The following UPF2 variants were observed in gnomAD, a reference collection of about 807,000 sequenced individuals.
The protein encoded by UPF2 is UPF2 regulator of nonsense mediated mRNA decay.
UPF2 carries 17 observed loss-of-function variants against 141.4 expected under a neutral mutation model. The observed-to-expected ratio is 0.12, with a 90% CI of 0.08 to 0.18. UPF2 has a LOEUF of 0.18. Among genes scored for constraint, UPF2 ranks in the 10% least tolerant of loss-of-function variants. The pLI, the probability that UPF2 is intolerant of heterozygous loss-of-function variation, is 1.00. For missense variants in UPF2, 1,152 were observed against 1,515.9 expected (o/e 0.76, Z 3.99); for synonymous variants, 540 against 498.0 (o/e 1.08, Z -1.12).
chr10:11,959,272 G>T lies in UPF2; in HGVS notation c.2269C>A (p.Pro757Thr). The T allele has an allele frequency of 1.9e-6, 3 of 1,613,062 alleles. No individual in the cohort carries two copies. The highest frequency in any genetic ancestry group is 2.5e-6 in the Non-Finnish European group (3 of 1,179,738). Residue 757 changes from proline (P) to threonine (T), a missense_variant, in exon 12 of 22, where the codon CCA (proline) becomes ACA (threonine). This residue lies in a region of UPF2 where 739 missense variants were observed against 1,032.2 expected (regional missense o/e 0.72). Coordinates refer to ENST00000357604, the MANE Select transcript of UPF2 (RefSeq NM_015542.4). The surrounding 1 kb of genome is among the most constrained non-coding windows in gnomAD (Gnocchi z 5.9). ...TTCACGGTTTTTTCAGCTGGAGGTG[G>T]GTTGCAGTAGTAATATGCATTCTCT... The part of the protein sequence containing the change: ...MVENAYYYCN[P>T]PPAEKTVKKK...
chr10:11,999,847 A>C (rs1264817135), intron 7 of UPF2, 59 bp downstream of exon 7: 1 of 1,344,364 alleles, frequency 7.4e-7, no homozygotes, highest in Non-Finnish European at 1.1e-6. Context: ...GACATTCCTT[A>C]TCAGAGGACT....
intron 11 of UPF2, 75 bp downstream of exon 11, chr10:11,963,934 G>T: frequency 9.8e-7 from 1 of 1,020,274 alleles, no homozygotes; most frequent in Non-Finnish European, 1.5e-6. Flanking sequence ...AACCAGCACT[G>T]GTCAATATTT....
intron 8 of UPF2, among the ~76,000 whole-genome samples, chr10:11,994,670 A>C (rs187274204): frequency 6.6e-6 from 1 of 152,330 alleles, no homozygotes; most frequent in East Asian, 1.9e-4. Context: ...GGAGATGCAC[A>C]AAATGAAAAG....
intron 1 of UPF2, among the ~76,000 whole-genome samples, chr10:12,038,419 C>CACACAA (rs1554787077): frequency 7.4e-6 from 1 of 134,552 alleles, no homozygotes; most frequent in African/African-American, 2.9e-5. Context: ...CACACACACA[C>CACACAA]AAATTACCTT....
At position 11,956,531 on chromosome 10, in the gene UPF2, A is replaced by C. The variant is rs1420507294; in HGVS notation, c.2371-8T>G. 2.0e-5 allele frequency: 32 copies of C among 1,612,110 alleles called. No individual in the cohort carries two copies. The highest frequency in any genetic ancestry group is 2.6e-5 in the Non-Finnish European group (31 of 1,179,668). On this transcript the variant is annotated splice_region_variant and splice_polypyrimidine_tract_variant and intron_variant, in intron 12 of 21. Coordinates refer to ENST00000357604, the MANE Select transcript of UPF2 (RefSeq NM_015542.4). This position sits in a 1 kb window ranked among gnomAD's most constrained non-coding sequence, Gnocchi z 4.2. The stretch of plus-strand genomic sequence containing the variant: ...TCGCATCTGTCTCAAAACCTAAAAA[A>C]AGAGAATTTTGTTCAAATTATTAAG...
Position 12,028,979 on chromosome 10 carries a change from T to G in UPF2, c.911A>C (p.His304Pro), listed in dbSNP as rs1834468419. 1 of 1,614,106 alleles carries G rather than the reference T, an allele frequency of 6.2e-7. No homozygotes were observed. Residue 304 changes from histidine (H) to proline (P), a missense_variant, in exon 3 of 22, where the codon CAT becomes CCT. His to Pro is a moderately conservative substitution (Grantham distance 77). Around this residue, in one of 4 missense-constraint regions of UPF2, gnomAD observed 739 missense variants for 1,032.2 expected, o/e 0.72. Transcript: ENST00000357604. ...IINADRESHT[H>P]VSVVISFCRH... Reference sequence around the variant, plus strand: ...ACAGAAACTAATCACTACAGAGACATGAGTGTGGGACTCCCGATCAGCATT... The same window carrying G: ...ACAGAAACTAATCACTACAGAGACAGGAGTGTGGGACTCCCGATCAGCATT...
At chr10:12,026,505 G>A in intron 3 of UPF2, 1 of 362,442 alleles carries the variant, frequency 2.8e-6, no homozygotes, top group South Asian at 2.2e-5. Flanking sequence ...ATACTGTCAT[G>A]GGAATAAAAG....
rs1052564937 is a variant in UPF2 at position 12,014,893 on chromosome 10, A to C, written c.1146-709T>G. Among the ~76,000 whole-genome samples the C allele has an allele frequency of 6.6e-6, 1 of 152,242 alleles. No homozygotes were observed. Among genetic ancestry groups the C allele is most frequent in the Non-Finnish European group, 1.5e-5 (1 of 68,044 alleles). ...TTATTTATCCAGGTAACAAATACTG[A>C]GAAGTCCACTCACTCAGGCCAGCCC... On this transcript the variant is annotated intron_variant, in intron 3 of 21. Transcript: ENST00000357604. The surrounding 1 kb of genome is among the most constrained non-coding windows in gnomAD (Gnocchi z 5.0).
At position 11,936,456 on chromosome 10, in the gene UPF2, A is replaced by T; in HGVS notation, c.3546+89T>A. 1 of 1,373,396 alleles carries T rather than the reference A, an allele frequency of 7.3e-7. No homozygotes were observed. 85.1% of individuals were successfully genotyped at this position (1,373,396 alleles called of 1,614,324 possible). On this transcript the variant is annotated intron_variant, in intron 19 of 21. Coordinates refer to ENST00000357604, the MANE Select transcript of UPF2 (RefSeq NM_015542.4). The surrounding 1 kb of genome is among the most constrained non-coding windows in gnomAD (Gnocchi z 6.6). ...CCACTGAATGGTTTAAAACTGTCCA[A>T]CCCTTATCCCCTTGTAGGTCAAAGA...
chr10:11,995,332 A>G (rs1202189356), intron 8 of UPF2, among the ~76,000 whole-genome samples: 1 of 152,212 alleles, frequency 6.6e-6, no homozygotes, highest in African/African-American at 2.4e-5. Flanking sequence ...AAGACTGAAG[A>G]AGTTGAAAAC....
At position 11,980,326 on chromosome 10, in the gene UPF2, C is replaced by T. The variant is rs1833571159; in HGVS notation, c.1845-1161G>A. On this transcript the variant is annotated intron_variant, in intron 8 of 21. Transcript: ENST00000357604. The surrounding 1 kb of genome is among the most constrained non-coding windows in gnomAD (Gnocchi z 4.2). ...CAACTGATAAAAGCAGCTTAACTGA[C>T]AGCAGCAAATAATGGAGCTGACAGT... 1.3e-5 allele frequency among the ~76,000 whole-genome samples: 2 copies of T among 152,200 alleles called. No individual in the cohort carries two copies. The highest frequency in any genetic ancestry group is 4.8e-5 in the African/African-American group (2 of 41,452).
At chr10:11,925,715 G>A (rs1263958252) in intron 21 of UPF2, among the ~76,000 whole-genome samples, 2 of 152,234 alleles carry the variant, frequency 1.3e-5, no homozygotes, top group Non-Finnish European at 2.9e-5. Flanking sequence ...CGAAGGAGCA[G>A]GAGTTCTCCA....
Position 11,955,205 on chromosome 10 carries a change from C to T in UPF2, c.2850+27G>A, listed in dbSNP as rs1489388673. 7 of 1,539,080 alleles carry T rather than the reference C, an allele frequency of 4.5e-6. No individual in the cohort carries two copies. In the South Asian group the frequency reaches 7.9e-5, roughly 17 times the overall value. On this transcript the variant is annotated intron_variant, in intron 14 of 21. Coordinates refer to ENST00000357604, the MANE Select transcript of UPF2 (RefSeq NM_015542.4). ...AACACATGCAATATGTTAAATGATG[C>T]CAAACTGAATATTTCAGCTTATATA... is the stretch of plus-strand genomic sequence containing the variant.
chr10:11,965,457 G>A (rs1388706196), intron 10 of UPF2, among the ~76,000 whole-genome samples: 1 of 152,002 alleles, frequency 6.6e-6, no homozygotes, highest in Non-Finnish European at 1.5e-5. Context: ...ATACTTATTA[G>A]TATTTTATTT....
intron 3 of UPF2, among the ~76,000 whole-genome samples, chr10:12,024,951 A>AAAC (rs1235463657): frequency 1.3e-5 from 2 of 150,230 alleles, no homozygotes; most frequent in Non-Finnish European, 3.0e-5. Context: ...AAAAAAAAAA[A>AAAC]AAAAAACACA....
chr10:12,010,177 G>A (rs533291214), intron 4 of UPF2, among the ~76,000 whole-genome samples: 37 of 152,236 alleles, frequency 2.4e-4, no homozygotes, highest in South Asian at 6.2e-4. Flanking sequence ...CCAGGATGAC[G>A]CTTAATGATA....
intron 8 of UPF2, among the ~76,000 whole-genome samples, chr10:11,984,180 C>G (rs541628976): frequency 1.3e-5 from 2 of 152,152 alleles, no homozygotes; most frequent in African/African-American, 4.8e-5. Context: ...CTTTGCCTCC[C>G]AAAGTGCTGG....
At chr10:11,960,510 G>T (rs1012208936) in intron 11 of UPF2, among the ~76,000 whole-genome samples, 4 of 152,148 alleles carry the variant, frequency 2.6e-5, no homozygotes, top group African/African-American at 9.7e-5. Flanking sequence ...CGAGGCTACA[G>T]TAAGCTTTGA....
At chr10:12,040,942 C>T (rs189136069) in intron 1 of UPF2, among the ~76,000 whole-genome samples, 12 of 152,242 alleles carry the variant, frequency 7.9e-5, no homozygotes, top group African/African-American at 2.9e-4. Context: ...TACTTCTATC[C>T]TCAATTTTTA....
Sources: allele counts gnomAD v4.1 joint callset (sites outside exome capture counted in the v4.1 genomes callset), GRCh38; gene constraint gnomAD v4.1.1; regional missense constraint gnomAD v4.1.1; non-coding constraint Gnocchi (gnomAD v3.1); transcripts MANE v1.5; gene names NCBI Gene and HGNC (gene_info 2026-07-23, HGNC 2026-07-21).